Variants in ARHGAP35 observed in about 807,000 individuals in gnomAD.
ARHGAP35 encodes the protein Rho GTPase activating protein 35.
A neutral mutation model predicts 111.1 loss-of-function variants in ARHGAP35; 15 were observed. The observed-to-expected ratio is 0.13, with a 90% CI of 0.09 to 0.21. The LOEUF (loss-of-function observed/expected upper bound fraction) is 0.21, where lower values mean the gene tolerates loss of function less well. ARHGAP35 is among the 10% of genes least tolerant of loss of function. The pLI, the probability that ARHGAP35 is intolerant of heterozygous loss-of-function variation, is 1.00. For synonymous variants in ARHGAP35, 643 were observed against 710.3 expected (o/e 0.91, Z 1.51); for missense variants, 1,262 against 1,873.0 (o/e 0.67, Z 6.02).
At chr19:46,915,884 C>T (rs1175474462) in intron 1 of ARHGAP35, among the ~76,000 whole-genome samples, 3 of 151,264 alleles carry the variant, frequency 2.0e-5, no homozygotes, top group Non-Finnish European at 2.9e-5. Context: ...ATTTTTTTGG[C>T]CACATTCTGT....
Position 46,993,287 on chromosome 19 carries a change from G to A in ARHGAP35, c.4036+3612G>A, listed in dbSNP as rs897092638. 1.3e-5 allele frequency among the ~76,000 whole-genome samples: 2 copies of A among 152,212 alleles called. No homozygotes were observed. Among genetic ancestry groups the A allele is most frequent in the African/African-American group, 2.4e-5 (1 of 41,462 alleles). On this transcript the variant is annotated intron_variant, in intron 5 of 6. Transcript: ENST00000672722. The surrounding 1 kb of genome is among the most constrained non-coding windows in gnomAD (Gnocchi z 4.6). The stretch of plus-strand genomic sequence containing the variant: ...CACTGAAGGGCTGTGACCTTGAGCC[G>A]GGCTTTCCCTTTCCTGGCGATGCAG...
chr19:46,875,187 G>C (rs146231221), intron 1 of ARHGAP35, among the ~76,000 whole-genome samples: 2 of 151,984 alleles, frequency 1.3e-5, no homozygotes, highest in Non-Finnish European at 2.9e-5. Flanking sequence ...TTAACAAGAC[G>C]TCTACACATA....
At chr19:46,930,033 G>C (rs929597379) in intron 2 of ARHGAP35, among the ~76,000 whole-genome samples, 2 of 151,964 alleles carry the variant, frequency 1.3e-5, no homozygotes, top group Non-Finnish European at 2.9e-5. Flanking sequence ...AAAGTGTTGG[G>C]ATTACAGGCA....
At chr19:46,896,709 T>C (rs927290708) in intron 1 of ARHGAP35, among the ~76,000 whole-genome samples, 15 of 152,210 alleles carry the variant, frequency 9.9e-5, no homozygotes, top group Non-Finnish European at 1.6e-4. Context: ...AACGAGTCTC[T>C]TGACCTCTGC....
chr19:46,965,075 G>A (rs549296245), intron 3 of ARHGAP35, among the ~76,000 whole-genome samples: 82 of 152,350 alleles, frequency 5.4e-4, no homozygotes, highest in African/African-American at 2.0e-3. Context: ...CGCTTTGGGA[G>A]GCCGAGGCGG....
rs1337835300 is a variant in ARHGAP35 at position 46,999,055 on chromosome 19, GC to G, written c.4037-247del. The G allele has an allele frequency of 2.0e-6, 1 of 511,246 alleles. No individual in the cohort carries two copies. Among genetic ancestry groups the G allele is most frequent in the African/African-American group, 1.9e-5 (1 of 52,510 alleles). The allele number at this position is 511,246 out of a possible 1,614,324, so 31.7% of individuals were successfully genotyped here. ...GATTGTTCTGTCTTGGGTGGTGGGG[GC>G]CAGGAAGCCCCAGGCACACAGTGCC... On this transcript the variant is annotated intron_variant, in intron 5 of 6. Coordinates refer to ENST00000672722, the MANE Select transcript of ARHGAP35 (RefSeq NM_004491.5). The surrounding 1 kb of genome is among the most constrained non-coding windows in gnomAD (Gnocchi z 5.4).
chr19:46,952,028 T>TCCTAAATAAAATAC (rs1368774811), intron 3 of ARHGAP35, among the ~76,000 whole-genome samples: 15 of 152,200 alleles, frequency 9.9e-5, no homozygotes, highest in African/African-American at 3.4e-4. Flanking sequence ...TGACTATAGT[T>TCCTAAATAAAATAC]AACAGTAATT....
intron 1 of ARHGAP35, among the ~76,000 whole-genome samples, chr19:46,872,695 A>C (rs2055894110): frequency 2.0e-5 from 3 of 152,042 alleles, no homozygotes; most frequent in Admixed American, 2.0e-4. Flanking sequence ...CCTGGCTAAC[A>C]CGGTGAAACT....
intron 1 of ARHGAP35, among the ~76,000 whole-genome samples, chr19:46,893,611 C>G (rs777497829): frequency 6.6e-6 from 1 of 151,672 alleles, no homozygotes; most frequent in African/African-American, 2.4e-5. Context: ...ATACTTCTCT[C>G]CCCCCTTGGT....
In ARHGAP35 at chr19:46,861,087, C is replaced by T. The variant is rs879472161; in HGVS notation, c.-311C>T. 3.3e-5 allele frequency among the ~76,000 whole-genome samples: 5 copies of T among 150,760 alleles called. No individual in the cohort carries two copies. The highest frequency in any genetic ancestry group is 7.4e-5 in the Non-Finnish European group (5 of 67,360). On this transcript the variant is annotated 5_prime_UTR_variant, in exon 1 of 7. Transcript: ENST00000672722. ...AGGGAGGGTCCGCCCGGCCCCCCGC[C>T]GCCGGAGCCGCCGCCGCCGCCTCAG...
chr19:46,903,568 A>G (rs1490817151), intron 1 of ARHGAP35, among the ~76,000 whole-genome samples: 1 of 152,204 alleles, frequency 6.6e-6, no homozygotes, highest in African/African-American at 2.4e-5. Context: ...AATAGCAGCC[A>G]AATATATGAG....
intron 3 of ARHGAP35, among the ~76,000 whole-genome samples, chr19:46,957,607 A>G (rs2056447815): frequency 6.6e-6 from 1 of 152,182 alleles, no homozygotes; most frequent in Admixed American, 6.5e-5. Flanking sequence ...GTTAAACCCT[A>G]TCTCAAAAAT....
At chr19:46,869,964 T>G (rs2055879060) in intron 1 of ARHGAP35, among the ~76,000 whole-genome samples, 1 of 118,634 alleles carries the variant, frequency 8.4e-6, no homozygotes, top group African/African-American at 3.4e-5. Flanking sequence ...TTTTTTTTTT[T>G]GAAACAGAGT....
At chr19:46,935,467 A>G (rs2056302461) in intron 2 of ARHGAP35, among the ~76,000 whole-genome samples, 1 of 152,190 alleles carries the variant, frequency 6.6e-6, no homozygotes, top group Admixed American at 6.5e-5. Flanking sequence ...GAAGTTCTCA[A>G]CGAATCTCAG....
At chr19:46,873,172 A>G (rs1439662737) in intron 1 of ARHGAP35, among the ~76,000 whole-genome samples, 1 of 152,094 alleles carries the variant, frequency 6.6e-6, no homozygotes, top group Non-Finnish European at 1.5e-5. Context: ...CACTTTCCAG[A>G]AAGTCTGGAA....
chr19:46,985,015 C>T (rs1421967900), intron 3 of ARHGAP35, among the ~76,000 whole-genome samples: 2 of 152,186 alleles, frequency 1.3e-5, no homozygotes, highest in African/African-American at 4.8e-5. Flanking sequence ...TGCATTATTC[C>T]GGACTCTTGA....
At chr19:46,950,261 G>A (rs749505655) in intron 3 of ARHGAP35, among the ~76,000 whole-genome samples, 2 of 152,128 alleles carry the variant, frequency 1.3e-5, no homozygotes, top group Non-Finnish European at 2.9e-5. Flanking sequence ...TAAATGGTTC[G>A]TTCTCATTGC....
chr19:46,870,016 G>A (rs972726638), intron 1 of ARHGAP35, among the ~76,000 whole-genome samples: 1 of 144,576 alleles, frequency 6.9e-6, no homozygotes, highest in Non-Finnish European at 1.5e-5. Flanking sequence ...GCGCCATCTC[G>A]ACTCACTGCA....
intron 1 of ARHGAP35, among the ~76,000 whole-genome samples, chr19:46,877,945 T>C (rs1458904263): frequency 1.3e-5 from 2 of 152,086 alleles, no homozygotes; most frequent in East Asian, 3.9e-4. Flanking sequence ...TGACCTCAGG[T>C]GATCCACCTG....
Sources: allele counts gnomAD v4.1 joint callset (sites outside exome capture counted in the v4.1 genomes callset), GRCh38; gene constraint gnomAD v4.1.1; non-coding constraint Gnocchi (gnomAD v3.1); transcripts MANE v1.5; gene names NCBI Gene and HGNC (gene_info 2026-07-23, HGNC 2026-07-21).